Variants in PLD5 observed in about 807,000 individuals in gnomAD.
PLD5 encodes the protein inactive phospholipase D5.
A neutral mutation model predicts 61.1 loss-of-function variants in PLD5; 36 were observed. The observed-to-expected ratio is 0.59, with a 90% CI of 0.45 to 0.78. The LOEUF is 0.78. Among genes scored for constraint, PLD5 ranks in the 30% least tolerant of loss-of-function variants. PLD5 has a pLI of 0.00. For synonymous variants in PLD5, 243 were observed against 242.8 expected, an observed-to-expected ratio of 1.00 and a Z score of -0.01; for missense variants, 515 against 644.4, an observed-to-expected ratio of 0.80 and a Z score of 2.17.
At chr1:242,272,919 TTTTTTAA>T (rs997193153) in intron 3 of PLD5, among the ~76,000 whole-genome samples, 6 of 152,310 alleles carry the variant, frequency 3.9e-5, no homozygotes, top group African/African-American at 1.4e-4. Context: ...TTTTTTTTTC[TTTTTTAA>T]TTTTTAAGTT....
chr1:242,291,794 G>C (rs1191849185), intron 2 of PLD5, among the ~76,000 whole-genome samples: 2 of 152,068 alleles, frequency 1.3e-5, no homozygotes, highest in Non-Finnish European at 2.9e-5. Flanking sequence ...GTGACAGAGC[G>C]AGACTCTGTC....
chr1:242,415,054 A>G (rs180727406), intron 1 of PLD5, among the ~76,000 whole-genome samples: 295 of 152,336 alleles, frequency 1.9e-3, no homozygotes, highest in African/African-American at 6.1e-3. Context: ...ATTGAGGTAC[A>G]GTTTTTTCAC....
chr1:242,491,534 A>T (rs1342718672), intron 1 of PLD5, among the ~76,000 whole-genome samples: 2 of 152,264 alleles, frequency 1.3e-5, no homozygotes, highest in African/African-American at 4.8e-5. Flanking sequence ...AAAACAAAAA[A>T]TAGTAAACAC....
At chr1:242,412,833 G>A (rs1223000958) in intron 1 of PLD5, among the ~76,000 whole-genome samples, 2 of 152,178 alleles carry the variant, frequency 1.3e-5, no homozygotes, top group African/African-American at 4.8e-5. Context: ...GAGTGCCTAA[G>A]CATGTAATTG....
At chr1:242,127,628 A>G (rs908361372) in intron 5 of PLD5, among the ~76,000 whole-genome samples, 2 of 152,060 alleles carry the variant, frequency 1.3e-5, no homozygotes, top group Admixed American at 6.6e-5. Flanking sequence ...CATAAGAATG[A>G]TATGACAGAC....
At chr1:242,249,866 T>C (rs1313356534) in intron 4 of PLD5, among the ~76,000 whole-genome samples, 2 of 152,250 alleles carry the variant, frequency 1.3e-5, no homozygotes, top group Non-Finnish European at 2.9e-5. Flanking sequence ...TGCTATTTTC[T>C]ATTAGGAGAC....
At chr1:242,092,153 A>T (rs1574276584) in intron 9 of PLD5, among the ~76,000 whole-genome samples, 1 of 151,890 alleles carries the variant, frequency 6.6e-6, no homozygotes, top group Admixed American at 6.6e-5. Flanking sequence ...TAGAGGCAGG[A>T]TCTCTCTCTG....
intron 1 of PLD5, among the ~76,000 whole-genome samples, chr1:242,453,096 G>A (rs1572180226): frequency 1.3e-5 from 2 of 152,202 alleles, no homozygotes; most frequent in Admixed American, 1.3e-4. Flanking sequence ...TCCCCAGCTC[G>A]ATGGTGTTAG....
intron 1 of PLD5, among the ~76,000 whole-genome samples, chr1:242,440,022 T>G (rs976083442): frequency 2.0e-5 from 3 of 152,184 alleles, no homozygotes; most frequent in African/African-American, 7.2e-5. Context: ...TGTATATATT[T>G]CAATCCTTTA....
chr1:242,127,845 T>C (rs982703250), intron 5 of PLD5, among the ~76,000 whole-genome samples: 6 of 152,190 alleles, frequency 3.9e-5, no homozygotes, highest in African/African-American at 9.6e-5. Context: ...TCAAGCCTAG[T>C]AGAGCCAGAG....
At chr1:242,167,447 T>G (rs1362620973) in intron 5 of PLD5, among the ~76,000 whole-genome samples, 1 of 152,162 alleles carries the variant, frequency 6.6e-6, no homozygotes, top group Non-Finnish European at 1.5e-5. Flanking sequence ...TTCATTATCA[T>G]GAGAACAGCA....
chr1:242,251,102 T>A (rs979551471), intron 4 of PLD5, among the ~76,000 whole-genome samples: 1 of 152,190 alleles, frequency 6.6e-6, no homozygotes, highest in African/African-American at 2.4e-5. Flanking sequence ...TCATTTTGGA[T>A]ACATTGATTT....
chr1:242,283,813 G>A (rs988465082), intron 3 of PLD5, among the ~76,000 whole-genome samples: 5 of 152,030 alleles, frequency 3.3e-5, no homozygotes, highest in African/African-American at 1.2e-4. Context: ...CCCAAAGTTT[G>A]AAAGGTTTGG....
In PLD5 at chr1:242,300,451, GAAGAAAGAAAGA is replaced by G. The variant is rs142382112; in HGVS notation, c.327-11933_327-11922del. Among the ~76,000 whole-genome samples the G allele has an allele frequency of 2.0e-4, 30 of 149,616 alleles. 1 individual carries two copies. Among genetic ancestry groups the G allele is most frequent in the African/African-American group, 6.4e-4 (26 of 40,462 alleles). On this transcript the variant is annotated intron_variant, in intron 2 of 9. Transcript: ENST00000536534. ...GGTGGCGGGAGAGGAGGAGGAGGAA[GAAGAAAGAAAGA>G]AAGAAAGAAAGAAAGAAGAAGAAAT...
chr1:242,252,092 G>A (rs545589506), intron 4 of PLD5, among the ~76,000 whole-genome samples: 1,580 of 152,054 alleles, frequency 0.01, 24 homozygotes, highest in African/African-American at 0.036. Context: ...TGTGTATGAC[G>A]TAGGAGGAAG....
Position 242,089,537 on chromosome 1 carries a change from C to A in PLD5, c.*317G>T. ...CATGCTAAGCTTCCTAACAACTGAC[C>A]GGGTAGGTCAGCAGAAAAAGTTCTA... is the stretch of plus-strand genomic sequence containing the variant. On this transcript the variant is annotated 3_prime_UTR_variant, in exon 10 of 10. Coordinates refer to ENST00000536534, the MANE Select transcript of PLD5 (RefSeq NM_001372062.1). 2 of 498,160 alleles carry A rather than the reference C, an allele frequency of 4.0e-6. No homozygotes were observed. The highest frequency in any genetic ancestry group is 7.0e-6 in the Non-Finnish European group (2 of 286,412). 30.9% of individuals were successfully genotyped at this position (498,160 alleles called of 1,614,324 possible).
At chr1:242,179,749 A>G (rs775837905) in intron 5 of PLD5, among the ~76,000 whole-genome samples, 1 of 151,322 alleles carries the variant, frequency 6.6e-6, no homozygotes, top group Non-Finnish European at 1.5e-5. Context: ...CTAAAAATAC[A>G]AAAATTAGCC....
At chr1:242,231,201 C>T (rs528404076) in intron 4 of PLD5, among the ~76,000 whole-genome samples, 9 of 152,282 alleles carry the variant, frequency 5.9e-5, no homozygotes, top group South Asian at 4.1e-4. Flanking sequence ...TGCCGGGGCA[C>T]GTGCTACGGC....
At chr1:242,523,747 G>C (rs1669353523) in intron 1 of PLD5, among the ~76,000 whole-genome samples, 1 of 152,206 alleles carries the variant, frequency 6.6e-6, no homozygotes, top group Admixed American at 6.5e-5. Context: ...GCAACGCCAG[G>C]TTGCTCGGAG....
Sources: gnomAD v4.1 joint callset for allele counts (sites outside exome capture counted in the v4.1 genomes callset) on GRCh38, gnomAD v4.1.1 for gene constraint, MANE v1.5 for transcripts, NCBI Gene and HGNC (gene_info 2026-07-23, HGNC 2026-07-21) for gene names.